The following LIN7A variants were observed in gnomAD, a reference collection of about 807,000 sequenced individuals.
LIN7A encodes the protein protein lin-7 homolog A.
Under a neutral mutation model 29.8 loss-of-function variants are expected in LIN7A, and 25 were observed. That is an observed-to-expected ratio of 0.84 (90% confidence interval 0.61 to 1.17). The LOEUF (loss-of-function observed/expected upper bound fraction) is 1.17. LIN7A is among the 50% of genes most tolerant of loss of function. The probability of loss-of-function intolerance (pLI) is 0.00; values close to 1 mark genes in which losing one functional copy is unlikely to be tolerated. For missense variants in LIN7A, 239 were observed against 287.0 expected (o/e 0.83, Z 1.21); for synonymous variants, 118 against 107.5 (o/e 1.10, Z -0.60).
intron 1 of LIN7A, among the ~76,000 whole-genome samples, chr12:80,934,160 A>G (rs1251144718): frequency 6.6e-6 from 1 of 152,196 alleles, no homozygotes; most frequent in East Asian, 1.9e-4. Flanking sequence ...GAATGAATTA[A>G]TATTTGCCTC....
At chr12:80,929,288 AG>A (rs1400175962) in intron 1 of LIN7A, among the ~76,000 whole-genome samples, 2 of 152,232 alleles carry the variant, frequency 1.3e-5, no homozygotes, top group African/African-American at 4.8e-5. Flanking sequence ...TAATAAATGA[AG>A]GCTACATTCA....
intron 1 of LIN7A, among the ~76,000 whole-genome samples, chr12:80,902,755 C>A (rs1649324764): frequency 6.6e-6 from 1 of 151,928 alleles, no homozygotes; most frequent in African/African-American, 2.4e-5. Context: ...TTCTAGGAGA[C>A]TTTTGGCAGA....
chr12:80,799,473 A>G (rs766645027), intron 5 of LIN7A, among the ~76,000 whole-genome samples: 1 of 152,204 alleles, frequency 6.6e-6, no homozygotes, highest in Non-Finnish European at 1.5e-5. Context: ...AATGAAATTA[A>G]GGTTGCTAAG....
intron 1 of LIN7A, among the ~76,000 whole-genome samples, chr12:80,913,064 A>T (rs1273917175): frequency 1.3e-5 from 2 of 152,186 alleles, no homozygotes; most frequent in African/African-American, 2.4e-5. Flanking sequence ...GCTACAAAAA[A>T]CAGTATAAAG....
Position 80,794,662 on chromosome 12 carries a change from T to G in LIN7A, c.*3065A>C, listed in dbSNP as rs1361904990. 6.6e-6 allele frequency: 1 copy of G among 152,154 alleles called. No homozygotes were observed. Among genetic ancestry groups the G allele is most frequent in the African/African-American group, 2.4e-5 (1 of 41,440 alleles). 9.4% of individuals were successfully genotyped at this position (152,154 alleles called of 1,614,324 possible). On this transcript the variant is annotated 3_prime_UTR_variant, in exon 6 of 6. Coordinates refer to ENST00000552864, the MANE Select transcript of LIN7A (RefSeq NM_004664.4). The stretch of plus-strand genomic sequence containing the variant: ...CAGTCTAAAATCCTTAAAAAGCCTC[T>G]GCATGCTAGATTTTGCATTTAGATC...
chr12:80,807,076 T>TTTTTG lies in LIN7A; in HGVS notation c.*4388_*4389insCAAAA, dbSNP rs1565883795. Among the ~76,000 whole-genome samples, 28 of 126,042 alleles carry TTTTTG rather than the reference T, an allele frequency of 2.2e-4. 2 individuals carry two copies. The highest frequency in any genetic ancestry group is 1.3e-3 in the South Asian group (5 of 3,892). 82.7% of individuals were successfully genotyped at this position (126,042 alleles called of 152,430 possible). A position where few individuals can be genotyped will look rare whatever the true frequency, so the allele number is the denominator to read the frequency against. On this transcript the variant is annotated intron_variant, in intron 5 of 5. Coordinates refer to ENST00000552864, the MANE Select transcript of LIN7A (RefSeq NM_004664.4). ...AATGAAGATGGAGTTTTTTTTTTTT[T>TTTTTG]TTTTTTTTTTTTTTTGACGGAGTCT... is the stretch of plus-strand genomic sequence containing the variant.
intron 2 of LIN7A, among the ~76,000 whole-genome samples, chr12:80,871,470 T>C (rs532670916): frequency 2.2e-4 from 34 of 152,284 alleles, no homozygotes; most frequent in African/African-American, 7.2e-4. Context: ...TAAATAGTTT[T>C]ATATATTCAA....
intron 5 of LIN7A, among the ~76,000 whole-genome samples, chr12:80,806,566 T>C (rs1276566238): frequency 6.6e-6 from 1 of 152,206 alleles, no homozygotes; most frequent in Non-Finnish European, 1.5e-5. Context: ...GAGTAGAAAT[T>C]GCATTTCATT....
At chr12:80,799,963 A>G (rs974185652) in intron 5 of LIN7A, among the ~76,000 whole-genome samples, 1 of 152,156 alleles carries the variant, frequency 6.6e-6, no homozygotes. Flanking sequence ...CCTAGGCAAC[A>G]TAGCAAGACC....
chr12:80,836,863 A>G (rs1419185909), intron 4 of LIN7A, among the ~76,000 whole-genome samples: 1 of 152,084 alleles, frequency 6.6e-6, no homozygotes, highest in Non-Finnish European at 1.5e-5. Context: ...CCTTAGGAGT[A>G]AAAAAGGACT....
At chr12:80,886,120 G>C (rs1289253181) in intron 2 of LIN7A, among the ~76,000 whole-genome samples, 3 of 151,892 alleles carry the variant, frequency 2.0e-5, no homozygotes, top group African/African-American at 7.3e-5. Flanking sequence ...ACAAGGAAAA[G>C]TATTAACTAG....
At chr12:80,884,065 TGAG>T (rs1366659575) in intron 2 of LIN7A, among the ~76,000 whole-genome samples, 1 of 152,128 alleles carries the variant, frequency 6.6e-6, no homozygotes, top group African/African-American at 2.4e-5. Context: ...TAGGAGAAAA[TGAG>T]AGATAATCAA....
At chr12:80,878,583 C>G (rs1874844245) in intron 2 of LIN7A, among the ~76,000 whole-genome samples, 1 of 152,108 alleles carries the variant, frequency 6.6e-6, no homozygotes. Context: ...AGAGAAAGAA[C>G]AATACTTCCA....
chr12:80,886,478 C>T (rs1391659744), intron 2 of LIN7A, among the ~76,000 whole-genome samples: 1 of 111,718 alleles, frequency 9.0e-6, no homozygotes, highest in East Asian at 2.4e-4. Flanking sequence ...TAAATCAACA[C>T]AATAAGAATA....
chr12:80,919,870 CAG>C (rs1166939514), intron 1 of LIN7A, among the ~76,000 whole-genome samples: 1 of 151,992 alleles, frequency 6.6e-6, no homozygotes, highest in Non-Finnish European at 1.5e-5. Flanking sequence ...ACCAGGACAA[CAG>C]AGAAACACCT....
chr12:80,857,971 C>T (rs879319813), intron 2 of LIN7A, among the ~76,000 whole-genome samples: 13 of 152,184 alleles, frequency 8.5e-5, no homozygotes, highest in African/African-American at 2.2e-4. Context: ...TTAACAGAGA[C>T]GATTAAATGT....
At chr12:80,896,173 T>A (rs1875883826) in intron 1 of LIN7A, among the ~76,000 whole-genome samples, 2 of 152,124 alleles carry the variant, frequency 1.3e-5, no homozygotes, top group South Asian at 4.1e-4. Context: ...GTCAGCCATG[T>A]AAAGATCCAA....
chr12:80,855,271 T>C (rs1237848499), intron 2 of LIN7A, among the ~76,000 whole-genome samples: 2 of 152,088 alleles, frequency 1.3e-5, no homozygotes, highest in East Asian at 1.9e-4. Context: ...CTCAGCACAT[T>C]ATAGTGTGCA....
At chr12:80,887,579 T>A (rs1357798430) in intron 2 of LIN7A, among the ~76,000 whole-genome samples, 1 of 152,168 alleles carries the variant, frequency 6.6e-6, no homozygotes, top group East Asian at 1.9e-4. Flanking sequence ...ACCCCTGATA[T>A]TTCTGTGACT....
Sources: allele counts gnomAD v4.1 joint callset (sites outside exome capture counted in the v4.1 genomes callset), GRCh38; gene constraint gnomAD v4.1.1; transcripts MANE v1.5; gene names NCBI Gene and HGNC (gene_info 2026-07-23, HGNC 2026-07-21).